CDC42BPB: variants seen among roughly 807,000 people sequenced by gnomAD.
The protein encoded by CDC42BPB is CDC42 binding protein kinase beta.
A neutral mutation model predicts 214.9 loss-of-function variants in CDC42BPB; 37 were observed. The observed-to-expected ratio is 0.17, with a 90% CI of 0.13 to 0.23. The LOEUF (loss-of-function observed/expected upper bound fraction) is 0.23, where lower values mean the gene tolerates loss of function less well. Among genes scored for constraint, CDC42BPB ranks in the 10% least tolerant of loss-of-function variants. The pLI, the probability that CDC42BPB is intolerant of heterozygous loss-of-function variation, is 1.00. For missense variants in CDC42BPB, 1,694 were observed against 2,227.0 expected, an observed-to-expected ratio of 0.76 and a Z score of 4.82; for synonymous variants, 931 against 884.0, an observed-to-expected ratio of 1.05 and a Z score of -0.94.
chr14:102,952,685 C>T lies in CDC42BPB; in HGVS notation c.3067-82G>A, dbSNP rs1324584856. On this transcript the variant is annotated intron_variant, in intron 23 of 36. Coordinates refer to ENST00000361246, the MANE Select transcript of CDC42BPB (RefSeq NM_006035.4). ...CCATCTGCCTGTGATCCAGTTTATA[C>T]ACAGCTTGGGCATTATCCTGAAAAG... 15 of 1,542,960 alleles carry T rather than the reference C, an allele frequency of 9.7e-6. No individual in the cohort carries two copies. In the East Asian group the frequency reaches 1.4e-4, roughly 15 times the overall value.
intron 23 of CDC42BPB, 92 bp from the exon 24 acceptor site, chr14:102,952,695 G>A: frequency 1.3e-6 from 2 of 1,517,390 alleles, no homozygotes; most frequent in Non-Finnish European, 1.8e-6. Flanking sequence ...CACAGCTTGG[G>A]CATTATCCTG....
chr14:102,939,508 C>A, intron 34 of CDC42BPB, 102 bp downstream of exon 34: 1 of 830,268 alleles, frequency 1.2e-6, no homozygotes, highest in Non-Finnish European at 2.0e-6. Flanking sequence ...CAGCGCCAGC[C>A]TCGCAGGCAC....
At position 103,037,723 on chromosome 14, in the gene CDC42BPB, T is replaced by C. The variant is rs1289765789; in HGVS notation, c.175+19276A>G. ...TAAGGGAGGTGGCTCAAGAGATATG[T>C]GGAGAGGAGTTTTTAAAGAATTTTA... is the stretch of plus-strand genomic sequence containing the variant. On this transcript the variant is annotated intron_variant, in intron 1 of 36. Coordinates refer to ENST00000361246, the MANE Select transcript of CDC42BPB (RefSeq NM_006035.4). Among the ~76,000 whole-genome samples the C allele has an allele frequency of 6.6e-5, 10 of 152,028 alleles. No individual in the cohort carries two copies. In the East Asian group the frequency reaches 9.7e-4, roughly 15 times the overall value.
intron 26 of CDC42BPB, 142 bp downstream of exon 26, chr14:102,949,623 G>T (rs1892388346): frequency 1.9e-6 from 2 of 1,050,264 alleles, no homozygotes; most frequent in Admixed American, 4.6e-5. Context: ...TGACTAAGCT[G>T]TACCCATTTT....
rs1437457747 is a variant in CDC42BPB at position 102,970,198 on chromosome 14, T to C, written c.1948A>G (p.Ser650Gly). The C allele has an allele frequency of 1.2e-6, 2 of 1,613,936 alleles. No individual in the cohort carries two copies. Among genetic ancestry groups the C allele is most frequent in the African/African-American group, 1.3e-5 (1 of 74,950 alleles). ...TCCATTTGCTTGCAGAAGTTCTCGC[T>C]GTGCTCACGAAGCTTGCGCTCCTTG... ...ASKERKLREHSENFCKQMESE... is the reference protein window; with the variant it reads ...ASKERKLREHGENFCKQMESE... The change falls in exon 14 of 37, where the codon AGC (serine) becomes GGC (glycine). Residue 650 changes from serine (S) to glycine (G), a missense_variant. This residue lies in a region of CDC42BPB where 462 missense variants were observed against 513.5 expected (regional missense o/e 0.90). Transcript: ENST00000361246.
chr14:103,020,480 G>A (rs767290705), intron 1 of CDC42BPB, among the ~76,000 whole-genome samples: 2 of 152,222 alleles, frequency 1.3e-5, no homozygotes, highest in African/African-American at 2.4e-5. Context: ...ACCTACCGAC[G>A]GCCCAGCAAG....
In CDC42BPB at chr14:102,932,885, G is replaced by T. The variant is rs1404778086; in HGVS notation, c.*827C>A. 2.4e-5 allele frequency: 3 copies of T among 122,530 alleles called. No individual in the cohort carries two copies. The highest frequency in any genetic ancestry group is 2.3e-4 in the Admixed American group (3 of 13,026). 7.6% of individuals were successfully genotyped at this position (122,530 alleles called of 1,614,324 possible). On this transcript the variant is annotated 3_prime_UTR_variant, in exon 37 of 37. Coordinates refer to ENST00000361246, the MANE Select transcript of CDC42BPB (RefSeq NM_006035.4). Reference sequence around the variant, plus strand: ...CGGGGGCAGGACTGGTGGGGGGGGGGGCGGGCAGGGCGGGGCGGGGTGGGG... The same window carrying T: ...CGGGGGCAGGACTGGTGGGGGGGGGTGCGGGCAGGGCGGGGCGGGGTGGGG...
At chr14:103,037,885 T>C (rs1887754443) in intron 1 of CDC42BPB, among the ~76,000 whole-genome samples, 1 of 151,522 alleles carries the variant, frequency 6.6e-6, no homozygotes, top group Non-Finnish European at 1.5e-5. Context: ...AAAAATTAGC[T>C]GGGCGTGGTG....
intron 8 of CDC42BPB, among the ~76,000 whole-genome samples, chr14:102,978,752 T>A (rs181025898): frequency 6.6e-6 from 1 of 152,330 alleles, no homozygotes; most frequent in East Asian, 1.9e-4. Context: ...ACGCCTGTAG[T>A]CCCAGCAATT....
chr14:103,015,502 T>C (rs1886405136), intron 1 of CDC42BPB, among the ~76,000 whole-genome samples: 1 of 151,854 alleles, frequency 6.6e-6, no homozygotes, highest in South Asian at 2.1e-4. Context: ...ACAGAAACAA[T>C]AAACATAATT....
intron 12 of CDC42BPB, among the ~76,000 whole-genome samples, chr14:102,973,087 C>T (rs762500885): frequency 9.9e-5 from 15 of 152,196 alleles, no homozygotes; most frequent in Admixed American, 3.9e-4. Flanking sequence ...GTCACACCTG[C>T]TGGTCTGAGA....
chr14:103,009,367 C>T (rs1470677195), intron 2 of CDC42BPB, among the ~76,000 whole-genome samples: 1 of 152,208 alleles, frequency 6.6e-6, no homozygotes, highest in African/African-American at 2.4e-5. Flanking sequence ...TCCGCACCCC[C>T]ACTTCACCCT....
In CDC42BPB at chr14:103,020,496, C is replaced by T. The variant is rs558411359; in HGVS notation, c.176-8308G>A. Among the ~76,000 whole-genome samples, 649 of 152,350 alleles carry T rather than the reference C, an allele frequency of 4.3e-3. 2 individuals carry two copies. Among genetic ancestry groups the T allele is most frequent in the Non-Finnish European group, 6.3e-3 (426 of 68,034 alleles). On this transcript the variant is annotated intron_variant, in intron 1 of 36. Coordinates refer to ENST00000361246, the MANE Select transcript of CDC42BPB (RefSeq NM_006035.4). The stretch of plus-strand genomic sequence containing the variant: ...CCTACCGACGGCCCAGCAAGACCTA[C>T]GCGGAGGCCGAGGGCCAGAGGCCAG...
At chr14:103,019,088 C>T (rs1886626985) in intron 1 of CDC42BPB, among the ~76,000 whole-genome samples, 1 of 152,140 alleles carries the variant, frequency 6.6e-6, no homozygotes, top group African/African-American at 2.4e-5. Context: ...GGACCACAGG[C>T]ATGCTCCCAT....
At chr14:102,993,998 A>G (rs1445428696) in intron 5 of CDC42BPB, among the ~76,000 whole-genome samples, 1 of 152,260 alleles carries the variant, frequency 6.6e-6, no homozygotes, top group African/African-American at 2.4e-5. Flanking sequence ...GAAAATGTTT[A>G]AGGCAAATAA....
chr14:103,011,562 T>C (rs1595142983), intron 2 of CDC42BPB, among the ~76,000 whole-genome samples: 1 of 152,038 alleles, frequency 6.6e-6, no homozygotes, highest in Non-Finnish European at 1.5e-5. Context: ...CTGGCCAACA[T>C]GGCAAAACCT....
At chr14:102,958,630 TG>T (rs1334241857) in intron 21 of CDC42BPB, among the ~76,000 whole-genome samples, 1 of 151,266 alleles carries the variant, frequency 6.6e-6, no homozygotes, top group African/African-American at 2.4e-5. Context: ...AGGGAGGCAG[TG>T]GGGTCTGCTC....
Position 102,933,369 on chromosome 14 carries a change from A to G in CDC42BPB, c.*343T>C, listed in dbSNP as rs1208175805. The stretch of plus-strand genomic sequence containing the variant: ...CTGTGTCCCCAGATGTCTGCTTCCG[A>G]AGCAGCCGCGTCATGACGGGTTTCT... On this transcript the variant is annotated 3_prime_UTR_variant, in exon 37 of 37. Transcript: ENST00000361246. The G allele has an allele frequency of 4.5e-6, 1 of 224,068 alleles. No homozygotes were observed. The highest frequency in any genetic ancestry group is 8.7e-6 in the Non-Finnish European group (1 of 115,314). The allele number at this position is 224,068 out of a possible 1,614,324, so 13.9% of individuals were successfully genotyped here. A position where few individuals can be genotyped will look rare whatever the true frequency, so the allele number is the denominator to read the frequency against.
intron 28 of CDC42BPB, among the ~76,000 whole-genome samples, chr14:102,945,951 T>G (rs1449020677): frequency 2.0e-5 from 3 of 152,142 alleles, no homozygotes; most frequent in African/African-American, 4.8e-5. Context: ...TGGGTGTGTG[T>G]GGGGCTCCTG....
Sources: allele counts gnomAD v4.1 joint callset (sites outside exome capture counted in the v4.1 genomes callset), GRCh38; gene constraint gnomAD v4.1.1; regional missense constraint gnomAD v4.1.1; transcripts MANE v1.5; gene names NCBI Gene and HGNC (gene_info 2026-07-23, HGNC 2026-07-21).